Variants in JAKMIP3 observed in about 807,000 individuals in gnomAD.
JAKMIP3 encodes Janus kinase and microtubule interacting protein 3.
A neutral mutation model predicts 118.5 loss-of-function variants in JAKMIP3; 58 were observed. That is an observed-to-expected ratio of 0.49 (90% CI 0.40 to 0.61). The LOEUF is 0.61. Among genes scored for constraint, JAKMIP3 ranks in the 20% least tolerant of loss-of-function variants. The probability of loss-of-function intolerance (pLI) is 0.00; values close to 1 mark genes in which losing one functional copy is unlikely to be tolerated. For synonymous variants in JAKMIP3, 486 were observed against 451.2 expected (o/e 1.08, Z -0.98); for missense variants, 950 against 1,109.0 (o/e 0.86, Z 2.04).
Position 132,077,641 on chromosome 10 carries a change from G to C in JAKMIP3, c.-138+11580G>C, listed in dbSNP as rs116315510. Among the ~76,000 whole-genome samples the C allele has an allele frequency of 8.2e-3, 1,245 of 152,286 alleles. 13 individuals are homozygous for C. The highest frequency in any genetic ancestry group is 0.028 in the African/African-American group (1,163 of 41,554). On this transcript the variant is annotated intron_variant, in intron 1 of 23. Coordinates refer to ENST00000684848, the MANE Select transcript of JAKMIP3 (RefSeq NM_001323087.2). ...TCTCTTGTGATTTTCTACATCTTAA[G>C]CGGAGGTGGTTTTCTTGTGTTTTTT... is the stretch of plus-strand genomic sequence containing the variant.
At chr10:132,092,143 G>A (rs1486520505) in intron 1 of JAKMIP3, among the ~76,000 whole-genome samples, 1 of 152,146 alleles carries the variant, frequency 6.6e-6, no homozygotes, top group African/African-American at 2.4e-5. Context: ...TCCACTGTTA[G>A]TCTGATGGGC....
At chr10:132,130,747 T>C (rs1050851536) in intron 3 of JAKMIP3, among the ~76,000 whole-genome samples, 2 of 152,206 alleles carry the variant, frequency 1.3e-5, no homozygotes, top group African/African-American at 4.8e-5. Flanking sequence ...GTGAGCATGC[T>C]TCATGGCTGT....
At chr10:132,180,634 C>CGTGCGTGT (rs777909066) in intron 23 of JAKMIP3, among the ~76,000 whole-genome samples, 1 of 12,822 alleles carries the variant, frequency 7.8e-5, no homozygotes, top group Admixed American at 7.9e-4. Flanking sequence ...TGCGTGTGTG[C>CGTGCGTGT]GTGCGTGTGT....
intron 1 of JAKMIP3, among the ~76,000 whole-genome samples, chr10:132,037,902 CA>C (rs2037566784): frequency 6.6e-6 from 1 of 152,228 alleles, no homozygotes. Context: ...ACAGCAGTAC[CA>C]ATTGGCCCCG....
At position 132,179,281 on chromosome 10, in the gene JAKMIP3, C is replaced by G. The variant is rs555395733; in HGVS notation, c.*1104-3076C>G. On this transcript the variant is annotated intron_variant, in intron 23 of 23. Coordinates refer to ENST00000684848, the MANE Select transcript of JAKMIP3 (RefSeq NM_001323087.2). This position sits in a 1 kb window ranked among gnomAD's most constrained non-coding sequence, Gnocchi z 4.3. Reference sequence around the variant, plus strand: ...CCTCCCCCAGCATCATGCACGGTCACGGGGCTGTATTTGTTGACGGGACTT... The same window carrying G: ...CCTCCCCCAGCATCATGCACGGTCAGGGGGCTGTATTTGTTGACGGGACTT... Among the ~76,000 whole-genome samples, 1 of 152,186 alleles carries G rather than the reference C, an allele frequency of 6.6e-6. No individual in the cohort carries two copies. Among genetic ancestry groups the G allele is most frequent in the Non-Finnish European group, 1.5e-5 (1 of 68,036 alleles).
intron 11 of JAKMIP3, among the ~76,000 whole-genome samples, 180 bp downstream of exon 11, chr10:132,142,228 C>T (rs893710820): frequency 5.9e-5 from 9 of 152,116 alleles, no homozygotes; most frequent in Non-Finnish European, 1.0e-4. Context: ...TTGGGGATCC[C>T]GGTGCTGGGA....
Position 132,082,667 on chromosome 10 carries a change from A to G in JAKMIP3, c.-138+16606A>G, listed in dbSNP as rs187778292. On this transcript the variant is annotated intron_variant, in intron 1 of 23. Transcript: ENST00000684848. Reference sequence around the variant, plus strand: ...ACTCTGTCGCCCAGGCTGGAGTGCAATGGTGCAATCTAGGCTCACTGCAAC... The same window carrying G: ...ACTCTGTCGCCCAGGCTGGAGTGCAGTGGTGCAATCTAGGCTCACTGCAAC... Among the ~76,000 whole-genome samples, 8 of 151,714 alleles carry G rather than the reference A, an allele frequency of 5.3e-5. No individual in the cohort carries two copies. In the East Asian group the frequency reaches 5.8e-4, roughly 11 times the overall value.
chr10:132,157,706 C>A (rs1372170092), intron 19 of JAKMIP3, among the ~76,000 whole-genome samples: 1 of 152,206 alleles, frequency 6.6e-6, no homozygotes, highest in Non-Finnish European at 1.5e-5. Flanking sequence ...CCTTTCCCAC[C>A]TCTCTCATGC....
At chr10:132,058,896 C>T (rs1164615890) in intron 1 of JAKMIP3, among the ~76,000 whole-genome samples, 1 of 152,222 alleles carries the variant, frequency 6.6e-6, no homozygotes, top group Non-Finnish European at 1.5e-5. Flanking sequence ...GTTCAGGATT[C>T]CGGACGGAGC....
In JAKMIP3 at chr10:132,180,690, T is replaced by TGC. The variant is rs1412381703; in HGVS notation, c.*1104-1665_*1104-1664dup. ...GCGTGTGTGTGCGCGCGCGTGTGTG[T>TGC]GCGTGCGTGTGTGTGTGCGCGTGTG... On this transcript the variant is annotated intron_variant, in intron 23 of 23. Coordinates refer to ENST00000684848, the MANE Select transcript of JAKMIP3 (RefSeq NM_001323087.2). Among the ~76,000 whole-genome samples, 26 of 24,802 alleles carry TGC rather than the reference T, an allele frequency of 1.0e-3. 2 individuals carry two copies. Among genetic ancestry groups the TGC allele is most frequent in the Non-Finnish European group, 1.6e-3 (19 of 11,870 alleles). The allele number at this position is 24,802 out of a possible 152,430, so 16.3% of individuals were successfully genotyped here. A position where few individuals can be genotyped will look rare whatever the true frequency, so the allele number is the denominator to read the frequency against.
chr10:132,141,940 G>T lies in JAKMIP3; in HGVS notation c.1494G>T (p.Thr498=), dbSNP rs746951558. 1 of 1,594,480 alleles carries T rather than the reference G, an allele frequency of 6.3e-7. No homozygotes were observed. The highest frequency in any genetic ancestry group is 1.1e-5 in the South Asian group (1 of 87,670). ...DLEEGMAKEE[T]ELRFRQLTME... The stretch of plus-strand genomic sequence containing the variant: ...TCCAGGGCATGGCCAAGGAGGAGAC[G>T]GAGCTGAGGTTCCGGCAGCTGACCA... Residue 498 remains threonine, a synonymous_variant, in exon 11 of 24, where the codon ACG becomes ACT. Transcript: ENST00000684848.
At chr10:132,181,259 T>C (rs1359192759) in intron 23 of JAKMIP3, 1 of 151,904 alleles carries the variant, frequency 6.6e-6, no homozygotes, top group East Asian at 1.9e-4. Flanking sequence ...GGGGAGTGAG[T>C]TTTTAAAATT....
chr10:132,145,212 C>G, intron 12 of JAKMIP3, 22 bp downstream of exon 12: 1 of 1,582,814 alleles, frequency 6.3e-7, no homozygotes, highest in Admixed American at 1.8e-5. Flanking sequence ...GCCATCTGCA[C>G]GGGCGTGGGG....
chr10:132,051,527 T>C (rs1222137083), intron 1 of JAKMIP3, among the ~76,000 whole-genome samples: 1 of 152,224 alleles, frequency 6.6e-6, no homozygotes, highest in East Asian at 1.9e-4. Flanking sequence ...GTACACCTAC[T>C]TTTGTGAAGT....
intron 1 of JAKMIP3, among the ~76,000 whole-genome samples, chr10:132,040,220 C>G (rs891986858): frequency 6.6e-6 from 1 of 152,216 alleles, no homozygotes; most frequent in Non-Finnish European, 1.5e-5. Context: ...GGATCGGGCT[C>G]TCTCCACAGG....
chr10:132,149,351 A>G, intron 14 of JAKMIP3, 61 bp from the exon 15 acceptor site: 2 of 1,130,940 alleles, frequency 1.8e-6, no homozygotes, highest in South Asian at 1.4e-5. Flanking sequence ...GCCCCAGCAC[A>G]GTCCTCTTAG....
chr10:132,145,829 G>T (rs2054491787), intron 13 of JAKMIP3, among the ~76,000 whole-genome samples: 1 of 152,188 alleles, frequency 6.6e-6, no homozygotes, highest in South Asian at 2.1e-4. Flanking sequence ...GCCCCTATCT[G>T]CAGCAGCATC....
intron 1 of JAKMIP3, among the ~76,000 whole-genome samples, chr10:132,043,675 C>T (rs76379232): frequency 0.027 from 4,157 of 152,236 alleles, 87 homozygotes; most frequent in Non-Finnish European, 0.044. Context: ...CAGGCAAGCC[C>T]GAGGGAAATG....
At chr10:132,157,958 AAAG>A (rs1020705519) in intron 19 of JAKMIP3, among the ~76,000 whole-genome samples, 3 of 152,154 alleles carry the variant, frequency 2.0e-5, no homozygotes, top group Admixed American at 6.5e-5. Flanking sequence ...CAGAAAAAAA[AAAG>A]AGATTGTACA....
Sources: allele counts gnomAD v4.1 joint callset (sites outside exome capture counted in the v4.1 genomes callset), GRCh38; gene constraint gnomAD v4.1.1; non-coding constraint Gnocchi (gnomAD v3.1); transcripts MANE v1.5; gene names NCBI Gene and HGNC (gene_info 2026-07-23, HGNC 2026-07-21).